DCAF7: variants seen among roughly 807,000 people sequenced by gnomAD.
The protein encoded by DCAF7 is DDB1- and CUL4-associated factor 7.
DCAF7 carries 4 observed loss-of-function variants against 41.2 expected under a neutral mutation model. The ratio of observed to expected loss-of-function variants is 0.10; its 90% CI spans 0.05 to 0.22. The LOEUF is 0.22. Among genes scored for constraint, DCAF7 ranks in the 10% least tolerant of loss-of-function variants. The pLI, the probability that DCAF7 is intolerant of heterozygous loss-of-function variation, is 1.00. For synonymous variants in DCAF7, 143 were observed against 164.2 expected (o/e 0.87, Z 0.99); for missense variants, 131 against 443.2 (o/e 0.30, Z 6.32).
At position 63,590,279 on chromosome 17, in the gene DCAF7, A is replaced by G. The variant is rs529882011; in HGVS notation, c.*1107A>G. The G allele has an allele frequency of 6.5e-6, 1 of 152,862 alleles. No individual in the cohort carries two copies. Among genetic ancestry groups the G allele is most frequent in the Non-Finnish European group, 1.5e-5 (1 of 68,110 alleles). The allele number at this position is 152,862 out of a possible 1,614,324, so 9.5% of individuals were successfully genotyped here. On this transcript the variant is annotated 3_prime_UTR_variant, in exon 7 of 7. Transcript: ENST00000614556. ...TGAGGTGAGAGAGTCTTCCCGAGGCATCCTGTCTGTGCTTCCAACCCTGAA... is the reference window on the plus strand; with the variant it reads ...TGAGGTGAGAGAGTCTTCCCGAGGCGTCCTGTCTGTGCTTCCAACCCTGAA...
At chr17:63,553,336 C>A (rs1292707994) in intron 1 of DCAF7, among the ~76,000 whole-genome samples, 1 of 152,130 alleles carries the variant, frequency 6.6e-6, no homozygotes, top group African/African-American at 2.4e-5. Context: ...CACCTGACCC[C>A]ATTTGTAATT....
At chr17:63,575,133 A>G (rs1008348290) in intron 1 of DCAF7, among the ~76,000 whole-genome samples, 2 of 152,200 alleles carry the variant, frequency 1.3e-5, no homozygotes, top group African/African-American at 4.8e-5. Flanking sequence ...CCTGGCCAAC[A>G]TGGTGAAACC....
rs903134643 is a variant in DCAF7, at chr17:63,592,753, C to T, written c.*3581C>T. ...CTAGGTAACTGTGGGAACAAAATGA[C>T]AGCTTAGAGCAGCCATGGGTGATGT... On this transcript the variant is annotated 3_prime_UTR_variant, in exon 7 of 7. Transcript: ENST00000614556. The T allele has an allele frequency of 5.9e-5, 9 of 152,306 alleles. No homozygotes were observed. Among genetic ancestry groups the T allele is most frequent in the Admixed American group, 4.6e-4 (7 of 15,286 alleles). The allele number at this position is 152,306 out of a possible 1,614,324, so 9.4% of individuals were successfully genotyped here.
intron 1 of DCAF7, among the ~76,000 whole-genome samples, chr17:63,575,122 G>A (rs1331022010): frequency 6.6e-6 from 1 of 152,202 alleles, no homozygotes; most frequent in African/African-American, 2.4e-5. Flanking sequence ...TTTGAGACCA[G>A]CCTGGCCAAC....
intron 1 of DCAF7, among the ~76,000 whole-genome samples, chr17:63,576,798 C>T (rs943016221): frequency 1.3e-5 from 2 of 152,188 alleles, no homozygotes; most frequent in African/African-American, 4.8e-5. Context: ...CCTGTGGTCC[C>T]AGCTACTCAG....
intron 1 of DCAF7, among the ~76,000 whole-genome samples, chr17:63,559,423 A>G (rs368944722): frequency 0.25 from 25,360 of 103,220 alleles, 3,242 homozygotes; most frequent in Middle Eastern, 0.37. Flanking sequence ...ATATATACGT[A>G]TATATATATG....
chr17:63,587,983 TTA>T (rs2033694746), intron 6 of DCAF7, among the ~76,000 whole-genome samples: 1 of 134,682 alleles, frequency 7.4e-6, no homozygotes, highest in African/African-American at 3.4e-5. Context: ...GAGACTCCAT[TTA>T]AAAAAAAAAA....
At chr17:63,559,602 GACCAGTCT>G in intron 1 of DCAF7, among the ~76,000 whole-genome samples, 1 of 151,402 alleles carries the variant, frequency 6.6e-6, no homozygotes, top group South Asian at 2.1e-4. Flanking sequence ...AGGAGTTTGA[GACCAGTCT>G]GGTCAGCATG....
chr17:63,578,123 G>C (rs1303415333), intron 1 of DCAF7, among the ~76,000 whole-genome samples: 1 of 152,134 alleles, frequency 6.6e-6, no homozygotes, highest in Admixed American at 6.5e-5. Flanking sequence ...AGCACTTTTG[G>C]GAGGCTGAGG....
At chr17:63,585,131 T>G (rs765813904) in intron 5 of DCAF7, 80 bp from the exon 6 acceptor site, 415 of 1,158,786 alleles carry the variant, frequency 3.6e-4, no homozygotes, top group Non-Finnish European at 4.9e-4. Flanking sequence ...CCTAAAAAGA[T>G]TTTTGCATGT....
chr17:63,578,267 G>C (rs2033584124), intron 1 of DCAF7, among the ~76,000 whole-genome samples: 1 of 152,184 alleles, frequency 6.6e-6, no homozygotes, highest in Non-Finnish European at 1.5e-5. Context: ...GAGAGGCTGA[G>C]GTGGAAGGAT....
At position 63,593,177 on chromosome 17, in the gene DCAF7, T is replaced by C. The variant is rs1453987149; in HGVS notation, c.*4005T>C. On this transcript the variant is annotated 3_prime_UTR_variant, in exon 7 of 7. Transcript: ENST00000614556. ...ACTCCAGGACGAAGAAGGAAGATCA[T>C]GCTTGATACTTAGATTGGTTTTCCC... 1 of 152,794 alleles carries C rather than the reference T, an allele frequency of 6.5e-6. No homozygotes were observed. Among genetic ancestry groups the C allele is most frequent in the East Asian group, 1.9e-4 (1 of 5,190 alleles). The allele number at this position is 152,794 out of a possible 1,614,324, so 9.5% of individuals were successfully genotyped here.
At chr17:63,570,937 G>C (rs1454351794) in intron 1 of DCAF7, among the ~76,000 whole-genome samples, 1 of 152,170 alleles carries the variant, frequency 6.6e-6, no homozygotes, top group Non-Finnish European at 1.5e-5. Flanking sequence ...TGTAATCCCA[G>C]CACTTTGGGA....
At chr17:63,563,944 T>C (rs1234535043) in intron 1 of DCAF7, among the ~76,000 whole-genome samples, 4 of 152,174 alleles carry the variant, frequency 2.6e-5, no homozygotes. Flanking sequence ...TTCATATTGC[T>C]CTGAGGGATG....
rs780095468 is a variant in DCAF7, at chr17:63,589,950, TG to T, written c.*779del. On this transcript the variant is annotated 3_prime_UTR_variant, in exon 7 of 7. Transcript: ENST00000614556. ...CTTGTAAACAGACATAGGAAGCCTC[TG>T]TTTACCCTGAAGCACCACTGTCCAG... 3 of 152,736 alleles carry T rather than the reference TG, an allele frequency of 2.0e-5. No homozygotes were observed. The highest frequency in any genetic ancestry group is 4.4e-5 in the Non-Finnish European group (3 of 68,154). 9.5% of individuals were successfully genotyped at this position (152,736 alleles called of 1,614,324 possible). A position where few individuals can be genotyped will look rare whatever the true frequency, so the allele number is the denominator to read the frequency against.
At chr17:63,566,714 AG>A (rs2033446246) in intron 1 of DCAF7, among the ~76,000 whole-genome samples, 1 of 152,136 alleles carries the variant, frequency 6.6e-6, no homozygotes, top group South Asian at 2.1e-4. Context: ...TGAGCCCAGG[AG>A]TTCGAGGGAG....
chr17:63,564,028 A>T (rs11867424), intron 1 of DCAF7, among the ~76,000 whole-genome samples: 8 of 152,110 alleles, frequency 5.3e-5, no homozygotes, highest in Non-Finnish European at 1.2e-4. Flanking sequence ...AGTTGAGGGA[A>T]AACTTTACAC....
intron 1 of DCAF7, among the ~76,000 whole-genome samples, chr17:63,566,357 C>T (rs2033441981): frequency 8.6e-6 from 1 of 116,236 alleles, no homozygotes; most frequent in Non-Finnish European, 1.8e-5. Flanking sequence ...GGCAAAAGAG[C>T]GAGACTCTGT....
At chr17:63,571,625 G>T (rs1279655550) in intron 1 of DCAF7, among the ~76,000 whole-genome samples, 35 of 151,956 alleles carry the variant, frequency 2.3e-4, no homozygotes, top group Non-Finnish European at 1.5e-5. Flanking sequence ...AATTTCATGA[G>T]CCTTTTCTGA....
Sources: gnomAD v4.1 joint callset for allele counts (sites outside exome capture counted in the v4.1 genomes callset) on GRCh38, gnomAD v4.1.1 for gene constraint, MANE v1.5 for transcripts, NCBI Gene and HGNC (gene_info 2026-07-23, HGNC 2026-07-21) for gene names.